Variants in MECOM observed in about 807,000 individuals in gnomAD.
The protein encoded by MECOM is histone-lysine N-methyltransferase MECOM.
Under a neutral mutation model 116.3 loss-of-function variants are expected in MECOM, and 13 were observed. That is an observed-to-expected ratio of 0.11 (90% CI 0.07 to 0.18). The LOEUF is 0.18. MECOM is among the 10% of genes least tolerant of loss of function. MECOM has a pLI of 1.00. For missense variants in MECOM, 1,299 were observed against 1,509.0 expected (o/e 0.86, Z 2.31); for synonymous variants, 528 against 535.2 (o/e 0.99, Z 0.19).
intron 1 of MECOM, among the ~76,000 whole-genome samples, chr3:169,662,683 C>G (rs1776460146): frequency 6.6e-6 from 1 of 151,856 alleles, no homozygotes; most frequent in Admixed American, 6.5e-5. Context: ...CGCACAGCGC[C>G]CACTACCGCA....
chr3:169,092,614 T>C (rs937228662), intron 14 of MECOM, among the ~76,000 whole-genome samples: 4 of 152,048 alleles, frequency 2.6e-5, no homozygotes, highest in African/African-American at 9.7e-5. Context: ...AGCTATCAGA[T>C]AGCTAAATCC....
chr3:169,651,997 G>A, intron 1 of MECOM, among the ~76,000 whole-genome samples: 1 of 151,922 alleles, frequency 6.6e-6, no homozygotes, highest in East Asian at 1.9e-4. Context: ...TATAAATTTT[G>A]TAACAAGAAA....
intron 1 of MECOM, among the ~76,000 whole-genome samples, chr3:169,382,465 C>A (rs1025490628): frequency 6.6e-6 from 1 of 151,906 alleles, no homozygotes; most frequent in African/African-American, 2.4e-5. Context: ...ACGAGTGGAC[C>A]GTGGGAGACC....
intron 1 of MECOM, among the ~76,000 whole-genome samples, 200 bp downstream of exon 1, chr3:169,663,136 C>T (rs1776549843): frequency 6.6e-6 from 1 of 150,614 alleles, no homozygotes; most frequent in Admixed American, 6.6e-5. Flanking sequence ...GCTCCTCCGG[C>T]GCCCAACCCG....
In MECOM at chr3:169,085,052, AAAAGGAG is replaced by A; in HGVS notation, c.3586-16_3586-10del. The A allele has an allele frequency of 6.2e-7, 1 of 1,613,834 alleles. No individual in the cohort carries two copies. The highest frequency in any genetic ancestry group is 1.1e-5 in the South Asian group (1 of 91,016). On this transcript the variant is annotated splice_polypyrimidine_tract_variant and intron_variant, in intron 16 of 16. Coordinates refer to ENST00000651503, the MANE Select transcript of MECOM (RefSeq NM_004991.4). ...AGCATCATAGCATATGCCTGGGGTA[AAAAGGAG>A]AGAGACTCAGTAAATGGCATTTGAA...
chr3:169,378,469 GCA>G (rs555981622), intron 2 of MECOM, among the ~76,000 whole-genome samples: 1,995 of 54,396 alleles, frequency 0.037, 306 homozygotes, highest in African/African-American at 0.054. Flanking sequence ...AAGCAAGCAA[GCA>G]AGCAAGAAAG....
rs148833162 is a variant in MECOM at position 169,358,033 on chromosome 3, C to T, written c.375+23154G>A. 2.5e-4 allele frequency among the ~76,000 whole-genome samples: 38 copies of T among 151,708 alleles called. 2 individuals are homozygous for T. The East Asian group carries it at 7.2e-3, about 29-fold the overall frequency. ...ACTTTACCAGCGCCTTATGTAAATCCAACTTGAAAAACAATTTTGCATGCA... is the reference window on the plus strand; with the variant it reads ...ACTTTACCAGCGCCTTATGTAAATCTAACTTGAAAAACAATTTTGCATGCA... On this transcript the variant is annotated intron_variant, in intron 2 of 16. Transcript: ENST00000651503.
At position 169,484,051 on chromosome 3, in the gene MECOM, G is replaced by C; in HGVS notation, c.38-102527C>G. 2 of 1,203,118 alleles carry C rather than the reference G, an allele frequency of 1.7e-6. 1 individual carries two copies. Among genetic ancestry groups the C allele is most frequent in the South Asian group, 2.5e-5 (2 of 79,856 alleles). The allele number at this position is 1,203,118 out of a possible 1,614,324, so 74.5% of individuals were successfully genotyped here. On this transcript the variant is annotated intron_variant, in intron 1 of 16. Coordinates refer to ENST00000651503, the MANE Select transcript of MECOM (RefSeq NM_004991.4). ...CATTGTTTTATATAACTAATGGAAA[G>C]TACAACCTATAGCTACCAGGCATTT...
chr3:169,115,299 T>A, intron 8 of MECOM, 84 bp downstream of exon 8: 2 of 1,339,374 alleles, frequency 1.5e-6, no homozygotes, highest in East Asian at 4.7e-5. Flanking sequence ...GTAAAAATGA[T>A]GTGTTAAAAA....
intron 1 of MECOM, among the ~76,000 whole-genome samples, chr3:169,402,703 A>T (rs1736091230): frequency 1.3e-5 from 2 of 152,090 alleles, no homozygotes; most frequent in South Asian, 4.2e-4. Context: ...CCTTCACTAG[A>T]TCGTGCAGAC....
At chr3:169,362,293 A>T (rs1463525805) in intron 2 of MECOM, among the ~76,000 whole-genome samples, 1 of 151,974 alleles carries the variant, frequency 6.6e-6, no homozygotes, top group Non-Finnish European at 1.5e-5. Context: ...GATGAAAAGA[A>T]CTAAAGAGCA....
At position 169,476,876 on chromosome 3, in the gene MECOM, A is replaced by T. The variant is rs550704391; in HGVS notation, c.38-95352T>A. 233 of 149,760 alleles carry T rather than the reference A, an allele frequency of 1.6e-3. 1 individual carries two copies. The highest frequency in any genetic ancestry group is 5.4e-3 in the African/African-American group (221 of 40,700). The allele number at this position is 149,760 out of a possible 1,614,324, so 9.3% of individuals were successfully genotyped here. A position where few individuals can be genotyped will look rare whatever the true frequency, so the allele number is the denominator to read the frequency against. ...CTTTTTTTTTTTCTTTTTCTCCCCT[A>T]ACCTCACAGGCAACATGTTCCACTG... On this transcript the variant is annotated intron_variant, in intron 1 of 16. Transcript: ENST00000651503.
At chr3:169,294,514 C>T (rs1179888296) in intron 2 of MECOM, among the ~76,000 whole-genome samples, 1 of 152,142 alleles carries the variant, frequency 6.6e-6, no homozygotes. Flanking sequence ...GGTCTCTGCT[C>T]AAATGTCCCC....
intron 2 of MECOM, among the ~76,000 whole-genome samples, chr3:169,205,159 C>A (rs1379810832): frequency 6.6e-6 from 1 of 152,074 alleles, no homozygotes; most frequent in Non-Finnish European, 1.5e-5. Context: ...TAGGCTAAGA[C>A]CTTACATGCC....
At chr3:169,660,463 G>T (rs547522988) in intron 1 of MECOM, among the ~76,000 whole-genome samples, 76 of 149,218 alleles carry the variant, frequency 5.1e-4, no homozygotes, top group Non-Finnish European at 9.0e-4. Flanking sequence ...AGGGTCCGTG[G>T]TCTCTGGTCT....
intron 1 of MECOM, among the ~76,000 whole-genome samples, chr3:169,547,337 A>C (rs1314185875): frequency 6.6e-6 from 1 of 152,146 alleles, no homozygotes; most frequent in Non-Finnish European, 1.5e-5. Context: ...TTCCTGTACA[A>C]CCTATGGAAC....
Position 169,084,380 on chromosome 3 carries a change from T to G in MECOM, c.*529A>C, listed in dbSNP as rs1001372172. ...GAACAAGTACTCCCTGTTATCAGTTTCTATAATAATTGACTGTGCATTTCA... is the reference window on the plus strand; with the variant it reads ...GAACAAGTACTCCCTGTTATCAGTTGCTATAATAATTGACTGTGCATTTCA... On this transcript the variant is annotated 3_prime_UTR_variant, in exon 17 of 17. Transcript: ENST00000651503. The G allele has an allele frequency of 2.2e-5, 5 of 231,808 alleles. No homozygotes were observed. In the East Asian group the frequency reaches 3.1e-4, roughly 14 times the overall value. The allele number at this position is 231,808 out of a possible 1,614,324, so 14.4% of individuals were successfully genotyped here.
At chr3:169,154,064 TTC>T (rs1741578907) in intron 2 of MECOM, among the ~76,000 whole-genome samples, 1 of 152,170 alleles carries the variant, frequency 6.6e-6, no homozygotes, top group Admixed American at 6.5e-5. Context: ...AGTGTTTTTT[TTC>T]TCTCAAGCTG....
At position 169,649,409 on chromosome 3, in the gene MECOM, C is replaced by CA. The variant is rs71634436; in HGVS notation, c.37+13926dup. ...GGGCGGCAAGAGCGAAACTCCATCT[C>CA]AAAAAAAAAAAAAAAAAAAATAGGA... is the stretch of plus-strand genomic sequence containing the variant. On this transcript the variant is annotated intron_variant, in intron 1 of 16. Coordinates refer to ENST00000651503, the MANE Select transcript of MECOM (RefSeq NM_004991.4). 1.2e-3 allele frequency among the ~76,000 whole-genome samples: 86 copies of CA among 74,420 alleles called. 3 individuals are homozygous for CA. Among genetic ancestry groups the CA allele is most frequent in the East Asian group, 1.5e-3 (4 of 2,688 alleles). The allele number at this position is 74,420 out of a possible 152,430, so 48.8% of individuals were successfully genotyped here.
Sources: gnomAD v4.1 joint callset for allele counts (sites outside exome capture counted in the v4.1 genomes callset) on GRCh38, gnomAD v4.1.1 for gene constraint, MANE v1.5 for transcripts, NCBI Gene and HGNC (gene_info 2026-07-23, HGNC 2026-07-21) for gene names.